COL19A1: variants seen among roughly 807,000 people sequenced by gnomAD.
COL19A1 encodes the protein collagen alpha-1(XIX) chain.
In COL19A1, 159 loss-of-function variants were observed where a neutral mutation model predicts 190.2. That is an observed-to-expected ratio of 0.84 (90% confidence interval 0.73 to 0.95). The LOEUF is 0.95. Ranked by LOEUF, COL19A1 falls within the 40% of genes least tolerant of loss-of-function variation. The pLI is 0.00. For missense variants in COL19A1, 1,418 were observed against 1,431.9 expected (o/e 0.99, Z 0.16); for synonymous variants, 509 against 458.9 (o/e 1.11, Z -1.39).
chr6:69,942,586 T>C (rs1773541369), intron 9 of COL19A1, among the ~76,000 whole-genome samples: 1 of 152,066 alleles, frequency 6.6e-6, no homozygotes, highest in Non-Finnish European at 1.5e-5. Context: ...GAGATTAACT[T>C]TTTAAACTTC....
chr6:70,154,687 C>G (rs952029545), intron 31 of COL19A1, among the ~76,000 whole-genome samples: 2 of 152,180 alleles, frequency 1.3e-5, no homozygotes, highest in African/African-American at 2.4e-5. Context: ...GTCCAAGTCT[C>G]AAAACCTCAA....
At chr6:69,892,101 G>A (rs1769392444) in intron 2 of COL19A1, among the ~76,000 whole-genome samples, 1 of 152,202 alleles carries the variant, frequency 6.6e-6, no homozygotes, top group Non-Finnish European at 1.5e-5. Context: ...TGCTTGCTAA[G>A]ATTTGGGTGC....
At chr6:70,130,999 T>C (rs1181090578) in intron 18 of COL19A1, 2 of 454,874 alleles carry the variant, frequency 4.4e-6, no homozygotes, top group Admixed American at 4.9e-5. Flanking sequence ...TTCAAAATAG[T>C]TTTAAAACTA....
chr6:70,116,874 A>G (rs781039383), intron 16 of COL19A1, among the ~76,000 whole-genome samples: 2 of 152,334 alleles, frequency 1.3e-5, no homozygotes, highest in Admixed American at 6.5e-5. Flanking sequence ...CTTGAATTTA[A>G]CTGAAAACCC....
chr6:70,143,480 T>C (rs1463226445), intron 23 of COL19A1, among the ~76,000 whole-genome samples: 1 of 152,126 alleles, frequency 6.6e-6, no homozygotes, highest in Non-Finnish European at 1.5e-5. Context: ...CCATAACTCC[T>C]TGGAGACTGA....
chr6:70,161,917 A>G lies in COL19A1; in HGVS notation c.2310A>G (p.Pro770=). ...TTTTCCAGGGTCTTCAAGGAATTCC[A>G]GGCATTCCAGGTGCTCCAGGCCCGA... is the stretch of plus-strand genomic sequence containing the variant. ...EKGDEGLQGI[P]GIPGAPGPTG... Residue 770 remains proline (P), a synonymous_variant, in exon 35 of 51, where the codon CCA becomes CCG. Coordinates refer to ENST00000620364, the MANE Select transcript of COL19A1 (RefSeq NM_001858.6). 1 of 1,607,630 alleles carries G rather than the reference A, an allele frequency of 6.2e-7. No individual in the cohort carries two copies. Among genetic ancestry groups the G allele is most frequent in the South Asian group, 1.1e-5 (1 of 90,104 alleles).
intron 16 of COL19A1, among the ~76,000 whole-genome samples, chr6:70,105,922 C>G (rs575724075): frequency 6.6e-6 from 1 of 152,082 alleles, no homozygotes; most frequent in Non-Finnish European, 1.5e-5. Context: ...TATGTTTGAG[C>G]AATTAGTCTT....
At chr6:69,918,566 T>C (rs1771470544) in intron 4 of COL19A1, among the ~76,000 whole-genome samples, 2 of 151,964 alleles carry the variant, frequency 1.3e-5, no homozygotes, top group African/African-American at 4.8e-5. Flanking sequence ...ATTAGCCAGG[T>C]ATGGCTGCAC....
chr6:70,064,454 C>T (rs1318277733), intron 14 of COL19A1, among the ~76,000 whole-genome samples: 16 of 152,212 alleles, frequency 1.1e-4, no homozygotes, highest in East Asian at 1.9e-4. Context: ...ATTGATGGGA[C>T]GTATCTCAAA....
intron 11 of COL19A1, among the ~76,000 whole-genome samples, chr6:70,002,568 C>T (rs1467119970): frequency 1.3e-5 from 2 of 151,258 alleles, no homozygotes; most frequent in Non-Finnish European, 3.0e-5. Flanking sequence ...TCTATTCATC[C>T]TGGTTTAGTC....
At chr6:70,105,307 A>G (rs905719685) in intron 16 of COL19A1, among the ~76,000 whole-genome samples, 1 of 151,988 alleles carries the variant, frequency 6.6e-6, no homozygotes, top group Non-Finnish European at 1.5e-5. Flanking sequence ...ACAGCTGCGC[A>G]CCACCACGCC....
At chr6:69,894,014 T>C (rs1419306711) in intron 2 of COL19A1, among the ~76,000 whole-genome samples, 2 of 152,118 alleles carry the variant, frequency 1.3e-5, no homozygotes, top group African/African-American at 2.4e-5. Context: ...ATGTATTTCT[T>C]AAATGTATTT....
In COL19A1 at chr6:70,123,836, A is replaced by G. The variant is rs186453391; in HGVS notation, c.1341+1894A>G. On this transcript the variant is annotated intron_variant, in intron 17 of 50. Transcript: ENST00000620364. ...TGGGGTCGGGGGAGGGGGGAGGGAT[A>G]GCATTGGGAGATACACCTAATGCTA... 2.7e-3 allele frequency among the ~76,000 whole-genome samples: 401 copies of G among 148,648 alleles called. 2 individuals are homozygous for G. The highest frequency in any genetic ancestry group is 5.0e-3 in the Non-Finnish European group (337 of 67,194).
chr6:69,964,710 A>G (rs1774994806), intron 11 of COL19A1, among the ~76,000 whole-genome samples: 1 of 152,180 alleles, frequency 6.6e-6, no homozygotes, highest in African/African-American at 2.4e-5. Flanking sequence ...TGTTTGTAGA[A>G]TGATTTAAAT....
chr6:70,007,946 A>C (rs964830085), intron 11 of COL19A1, among the ~76,000 whole-genome samples: 6 of 151,988 alleles, frequency 3.9e-5, no homozygotes, highest in African/African-American at 1.2e-4. Flanking sequence ...CAAATGTTTC[A>C]AAATGAAAAA....
intron 2 of COL19A1, among the ~76,000 whole-genome samples, chr6:69,894,134 C>T (rs1349010284): frequency 6.6e-6 from 1 of 152,192 alleles, no homozygotes; most frequent in Non-Finnish European, 1.5e-5. Context: ...GCCACGGTCA[C>T]TCATATTTGG....
intron 14 of COL19A1, among the ~76,000 whole-genome samples, chr6:70,048,545 T>A (rs1334772034): frequency 6.6e-6 from 1 of 152,116 alleles, no homozygotes; most frequent in African/African-American, 2.4e-5. Flanking sequence ...AGTTGATCAT[T>A]TTTAAAATGA....
chr6:70,149,810 C>G lies in COL19A1; in HGVS notation c.1930-41C>G, dbSNP rs1159049044. 4 of 1,613,282 alleles carry G rather than the reference C, an allele frequency of 2.5e-6. No homozygotes were observed. In the African/African-American group the frequency reaches 5.3e-5, roughly 22 times the overall value. ...TACTTGGGGGAAATGACTGAAAGAC[C>G]ATCCTCATAAGTAACTGTTTTTATT... On this transcript the variant is annotated intron_variant, in intron 28 of 50. Coordinates refer to ENST00000620364, the MANE Select transcript of COL19A1 (RefSeq NM_001858.6).
intron 11 of COL19A1, among the ~76,000 whole-genome samples, chr6:69,964,533 ATAGT>A (rs1774982912): frequency 6.6e-6 from 1 of 152,132 alleles, no homozygotes; most frequent in Non-Finnish European, 1.5e-5. Context: ...AGTTGTTTTG[ATAGT>A]TTATATACAT....
Sources: allele counts gnomAD v4.1 joint callset (sites outside exome capture counted in the v4.1 genomes callset), GRCh38; gene constraint gnomAD v4.1.1; transcripts MANE v1.5; gene names NCBI Gene and HGNC (gene_info 2026-07-23, HGNC 2026-07-21).